PTPRD: variants seen among roughly 807,000 people sequenced by gnomAD.
PTPRD encodes protein tyrosine phosphatase receptor type D.
Under a neutral mutation model 214.5 loss-of-function variants are expected in PTPRD, and 34 were observed. The observed-to-expected ratio is 0.16, with a 90% CI of 0.12 to 0.21. The LOEUF is 0.21. Among genes scored for constraint, PTPRD ranks in the 10% least tolerant of loss-of-function variants. The probability of loss-of-function intolerance (pLI) is 1.00; values close to 1 mark genes in which losing one functional copy is unlikely to be tolerated. For synonymous variants in PTPRD, 1,128 were observed against 845.7 expected (o/e 1.33, Z -5.79); for missense variants, 2,545 against 2,398.7 (o/e 1.06, Z -1.27).
intron 5 of PTPRD, among the ~76,000 whole-genome samples, chr9:9,794,268 G>C (rs2098987441): frequency 6.6e-6 from 1 of 151,252 alleles, no homozygotes; most frequent in African/African-American, 2.4e-5. Context: ...ACAAATTACA[G>C]TCCCATTAAT....
intron 2 of PTPRD, among the ~76,000 whole-genome samples, chr9:10,347,222 T>G (rs897982928): frequency 2.0e-5 from 3 of 152,076 alleles, no homozygotes; most frequent in Non-Finnish European, 4.4e-5. Context: ...CCAGAACTAG[T>G]CCTGCCTCTA....
At chr9:8,638,687 C>T (rs977075547) in intron 12 of PTPRD, among the ~76,000 whole-genome samples, 5 of 151,994 alleles carry the variant, frequency 3.3e-5, no homozygotes, top group East Asian at 3.9e-4. Flanking sequence ...CCTGGAACTG[C>T]GGGCCTGCTT....
intron 11 of PTPRD, among the ~76,000 whole-genome samples, chr9:8,832,408 A>ATTTTT (rs1555402610): frequency 3.2e-5 from 2 of 62,932 alleles, no homozygotes; most frequent in Admixed American, 1.8e-4. Context: ...AGCTAAAATC[A>ATTTTT]TCTTTTTTTT....
rs139259906 is a variant in PTPRD at position 8,485,885 on chromosome 9, T to G, written c.2932A>C (p.Thr978Pro). 6.2e-7 allele frequency: 1 copy of G among 1,614,112 alleles called. No homozygotes were observed. The highest frequency in any genetic ancestry group is 8.5e-7 in the Non-Finnish European group (1 of 1,180,006). Residue 978 changes from threonine (T) to proline (P), a missense_variant, in exon 28 of 46, where the codon ACT (threonine) becomes CCT (proline). By Grantham distance (38) the Thr-to-Pro change is conservative. Coordinates refer to ENST00000381196, the MANE Select transcript of PTPRD (RefSeq NM_002839.4). ...MEQLIVPADT[T>P]MTLTGLKPDT... ...GGTTTTAAGCCAGTGAGTGTCATAG[T>G]GGTGTCAGCTGGAACAATAAGCTGC...
chr9:9,542,916 G>C (rs995428681), intron 8 of PTPRD, among the ~76,000 whole-genome samples: 1 of 151,572 alleles, frequency 6.6e-6, no homozygotes, highest in Non-Finnish European at 1.5e-5. Flanking sequence ...TTGCCACTTC[G>C]TTATAAAGCT....
intron 8 of PTPRD, among the ~76,000 whole-genome samples, chr9:9,572,160 T>C (rs561654686): frequency 6.6e-6 from 1 of 151,520 alleles, no homozygotes; most frequent in Non-Finnish European, 1.5e-5. Flanking sequence ...GAATATAAAG[T>C]GCAAATATTC....
chr9:10,503,197 A>AAAAAAC lies in PTPRD; in HGVS notation c.-600+109200_-600+109201insGTTTTT, dbSNP rs1313590602. On this transcript the variant is annotated intron_variant, in intron 2 of 45. Coordinates refer to ENST00000381196, the MANE Select transcript of PTPRD (RefSeq NM_002839.4). ...CATTGAGACACAGCTGCAATACAAA[A>AAAAAAC]AAAAAAAAAACAAAAAAAAACACCA... 3.6e-4 allele frequency among the ~76,000 whole-genome samples: 47 copies of AAAAAAC among 132,058 alleles called. 3 individuals carry two copies. Among genetic ancestry groups the AAAAAAC allele is most frequent in the Admixed American group, 3.1e-3 (44 of 14,110 alleles). 86.6% of individuals were successfully genotyped at this position (132,058 alleles called of 152,430 possible).
intron 9 of PTPRD, among the ~76,000 whole-genome samples, chr9:9,233,213 G>T (rs1005373039): frequency 7.9e-5 from 12 of 152,104 alleles, no homozygotes; most frequent in African/African-American, 2.7e-4. Context: ...ATGGCAGAAG[G>T]CACCTCTTCT....
chr9:10,086,319 T>C (rs2098337199), intron 3 of PTPRD, among the ~76,000 whole-genome samples: 1 of 151,784 alleles, frequency 6.6e-6, no homozygotes, highest in South Asian at 2.1e-4. Context: ...GTCTGTTTCC[T>C]TACAGTGCCG....
At chr9:9,362,283 T>G (rs2056447050) in intron 9 of PTPRD, among the ~76,000 whole-genome samples, 1 of 151,096 alleles carries the variant, frequency 6.6e-6, no homozygotes, top group Non-Finnish European at 1.5e-5. Context: ...AGTAGCAGAT[T>G]CTCCCTTTAT....
At chr9:9,782,046 C>T (rs2098848455) in intron 5 of PTPRD, among the ~76,000 whole-genome samples, 1 of 152,094 alleles carries the variant, frequency 6.6e-6, no homozygotes, top group Non-Finnish European at 1.5e-5. Flanking sequence ...CCGTCTCAGC[C>T]TCCCAAAGTG....
At chr9:9,508,011 C>T (rs1010224949) in intron 8 of PTPRD, among the ~76,000 whole-genome samples, 2 of 151,466 alleles carry the variant, frequency 1.3e-5, no homozygotes, top group African/African-American at 4.8e-5. Context: ...TATACTATCA[C>T]ACATAAAATT....
At chr9:8,420,168 C>T (rs2890778) in intron 35 of PTPRD, among the ~76,000 whole-genome samples, 1 of 151,860 alleles carries the variant, frequency 6.6e-6, no homozygotes, top group Admixed American at 6.6e-5. Context: ...TGGATAAAAA[C>T]ACTAAAGGAA....
chr9:9,171,028 C>A (rs2099913515), intron 10 of PTPRD, among the ~76,000 whole-genome samples: 1 of 152,104 alleles, frequency 6.6e-6, no homozygotes, highest in South Asian at 2.1e-4. Flanking sequence ...TTAAGAAACA[C>A]CTGCCACATT....
chr9:8,340,956 A>G, intron 41 of PTPRD, 134 bp downstream of exon 41: 1 of 883,940 alleles, frequency 1.1e-6, no homozygotes, highest in Non-Finnish European at 1.6e-6. Context: ...AAAAAAACAA[A>G]TACCAAGGGA....
intron 9 of PTPRD, among the ~76,000 whole-genome samples, chr9:9,206,383 A>T (rs2099944872): frequency 6.6e-6 from 1 of 152,212 alleles, no homozygotes; most frequent in South Asian, 2.1e-4. Context: ...ATTATGTGAA[A>T]ACTATACTGG....
intron 3 of PTPRD, among the ~76,000 whole-genome samples, chr9:10,060,904 CTTTCTTTCTTTCTTTCT>C (rs1459072873): frequency 2.9e-5 from 2 of 68,164 alleles, no homozygotes; most frequent in South Asian, 7.7e-4. Context: ...TTCCTTCTTT[CTTTCTTTCTTTCTTTCT>C]TTCTTTCTTT....
chr9:9,860,709 A>G (rs1470333271), intron 5 of PTPRD, among the ~76,000 whole-genome samples: 1 of 152,222 alleles, frequency 6.6e-6, no homozygotes, highest in Non-Finnish European at 1.5e-5. Flanking sequence ...TTTTATAAAT[A>G]TATACATGAA....
intron 31 of PTPRD, 76 bp downstream of exon 31, chr9:8,470,919 G>T: frequency 7.8e-7 from 1 of 1,282,516 alleles, no homozygotes; most frequent in Non-Finnish European, 1.1e-6. Context: ...ATCCTGAAAG[G>T]CCTCCAAGGG....
Sources: gnomAD v4.1 joint callset for allele counts (sites outside exome capture counted in the v4.1 genomes callset) on GRCh38, gnomAD v4.1.1 for gene constraint, MANE v1.5 for transcripts, NCBI Gene and HGNC (gene_info 2026-07-23, HGNC 2026-07-21) for gene names.